Variants in MGAT4C observed in about 807,000 individuals in gnomAD.
MGAT4C encodes alpha-1,3-mannosyl-glycoprotein 4-beta-N-acetylglucosaminyltransferase C.
In MGAT4C, 19 loss-of-function variants were observed where a neutral mutation model predicts 40.1. The ratio of observed to expected loss-of-function variants is 0.47; its 90% CI spans 0.33 to 0.70. The LOEUF (loss-of-function observed/expected upper bound fraction) is 0.70. Ranked by LOEUF, MGAT4C falls within the 30% of genes least tolerant of loss-of-function variation. The probability of loss-of-function intolerance (pLI) is 0.02; values close to 1 mark genes in which losing one functional copy is unlikely to be tolerated. For missense variants in MGAT4C, 491 were observed against 563.2 expected, an observed-to-expected ratio of 0.87 and a Z score of 1.30; for synonymous variants, 181 against 187.1, an observed-to-expected ratio of 0.97 and a Z score of 0.27.
chr12:86,693,921 G>A (rs778290798), intron 2 of MGAT4C, among the ~76,000 whole-genome samples: 2 of 152,084 alleles, frequency 1.3e-5, no homozygotes, highest in Admixed American at 6.6e-5. Context: ...TTGTCTAAAT[G>A]TCTGAGAGCT....
intron 2 of MGAT4C, among the ~76,000 whole-genome samples, chr12:86,690,132 C>T (rs1202826995): frequency 1.3e-5 from 2 of 152,174 alleles, no homozygotes; most frequent in Non-Finnish European, 1.5e-5. Context: ...AAACCGCCTA[C>T]TGAAGCCTCA....
intron 2 of MGAT4C, among the ~76,000 whole-genome samples, chr12:85,993,852 G>A (rs891219747): frequency 2.6e-5 from 4 of 152,162 alleles, no homozygotes; most frequent in African/African-American, 9.7e-5. Flanking sequence ...CACAAATGTG[G>A]TAGGAGGGAC....
chr12:86,162,955 G>T (rs1305150085), intron 1 of MGAT4C, among the ~76,000 whole-genome samples: 4 of 152,098 alleles, frequency 2.6e-5, no homozygotes, highest in Non-Finnish European at 5.9e-5. Flanking sequence ...GATAAAAGTT[G>T]TATAGCTATA....
At chr12:86,565,293 C>T (rs1960043064) in intron 2 of MGAT4C, among the ~76,000 whole-genome samples, 1 of 152,150 alleles carries the variant, frequency 6.6e-6, no homozygotes, top group Admixed American at 6.5e-5. Flanking sequence ...CCCATGGTCC[C>T]CACTCCTACC....
At chr12:86,777,139 T>G (rs1300687700) in intron 1 of MGAT4C, among the ~76,000 whole-genome samples, 1 of 152,210 alleles carries the variant, frequency 6.6e-6, no homozygotes, top group African/African-American at 2.4e-5. Flanking sequence ...CCCATTCTTT[T>G]AAATTTTTTT....
At chr12:86,137,908 T>G (rs1404447188) in intron 1 of MGAT4C, among the ~76,000 whole-genome samples, 1 of 152,178 alleles carries the variant, frequency 6.6e-6, no homozygotes, top group African/African-American at 2.4e-5. Flanking sequence ...CTCATTTGCA[T>G]GGAGTTGGGA....
intron 3 of MGAT4C, among the ~76,000 whole-genome samples, chr12:86,384,407 G>C (rs1956014356): frequency 1.3e-5 from 2 of 152,132 alleles, no homozygotes; most frequent in Admixed American, 1.3e-4. Flanking sequence ...CATCTTTAGG[G>C]ACACTGATTG....
At chr12:86,777,795 T>G (rs1309180882) in intron 1 of MGAT4C, among the ~76,000 whole-genome samples, 1 of 152,160 alleles carries the variant, frequency 6.6e-6, no homozygotes, top group Admixed American at 6.6e-5. Flanking sequence ...ATATTTGGAA[T>G]AGAAGGATTA....
intron 2 of MGAT4C, among the ~76,000 whole-genome samples, chr12:86,007,265 C>T (rs1887980092): frequency 6.6e-6 from 1 of 152,052 alleles, no homozygotes; most frequent in East Asian, 1.9e-4. Flanking sequence ...GAATACTATC[C>T]TGAAATGGGG....
chr12:86,643,495 G>A (rs1963450705), intron 2 of MGAT4C, among the ~76,000 whole-genome samples: 1 of 151,770 alleles, frequency 6.6e-6, no homozygotes, highest in Admixed American at 6.6e-5. Flanking sequence ...ACTCATAGGA[G>A]TAATATTGAT....
intron 2 of MGAT4C, among the ~76,000 whole-genome samples, chr12:86,678,963 T>G (rs1449724401): frequency 9.9e-5 from 15 of 152,066 alleles, no homozygotes. Context: ...GATGGCTGGG[T>G]CAAATGGTAT....
intron 2 of MGAT4C, among the ~76,000 whole-genome samples, chr12:86,667,562 C>T (rs943087958): frequency 2.0e-5 from 3 of 152,172 alleles, no homozygotes; most frequent in Admixed American, 2.0e-4. Context: ...TACTATTAAA[C>T]ATAATGGCAA....
chr12:86,494,233 G>C (rs1252648569), intron 2 of MGAT4C, among the ~76,000 whole-genome samples: 1 of 151,682 alleles, frequency 6.6e-6, no homozygotes, highest in Non-Finnish European at 1.5e-5. Context: ...TTGTAATTTT[G>C]ATGAAGTGAA....
chr12:86,163,811 A>C (rs115179458), intron 1 of MGAT4C, among the ~76,000 whole-genome samples: 1 of 152,178 alleles, frequency 6.6e-6, no homozygotes, highest in Non-Finnish European at 1.5e-5. Context: ...CAATTCCATA[A>C]TTTTCATCTA....
intron 2 of MGAT4C, among the ~76,000 whole-genome samples, chr12:86,554,941 C>T (rs1959537657): frequency 2.6e-5 from 4 of 152,160 alleles, no homozygotes; most frequent in Admixed American, 6.6e-5. Flanking sequence ...CTGGAGGTAA[C>T]CCGAATTCCT....
rs1269229431 is a variant in MGAT4C at position 86,256,299 on chromosome 12, C to T, written c.-117G>A. The T allele has an allele frequency of 6.6e-6, 1 of 152,154 alleles. No homozygotes were observed. Among genetic ancestry groups the T allele is most frequent in the Admixed American group, 6.6e-5 (1 of 15,266 alleles). The allele number at this position is 152,154 out of a possible 1,614,324, so 9.4% of individuals were successfully genotyped here. A position where few individuals can be genotyped will look rare whatever the true frequency, so the allele number is the denominator to read the frequency against. ...AACAGTGCTCTGTGCAGCCTGGAAG[C>T]ATGAGTGATCCTTGGGCCTCACACA... On this transcript the variant is annotated 5_prime_UTR_variant, in exon 1 of 5. It removes an upstream start codon present in the reference 5' UTR. Transcript: ENST00000611864.
chr12:86,609,665 C>T (rs1308140977), intron 2 of MGAT4C, among the ~76,000 whole-genome samples: 1 of 151,674 alleles, frequency 6.6e-6, no homozygotes, highest in Non-Finnish European at 1.5e-5. Flanking sequence ...ACTCTGTTTA[C>T]TTAAAGGAAT....
At chr12:86,035,393 T>C (rs1891130095) in intron 2 of MGAT4C, among the ~76,000 whole-genome samples, 1 of 150,376 alleles carries the variant, frequency 6.6e-6, no homozygotes, top group African/African-American at 2.4e-5. Context: ...GAGAAGTGTC[T>C]GTTCATATCC....
intron 2 of MGAT4C, among the ~76,000 whole-genome samples, chr12:85,994,760 A>C (rs913758636): frequency 2.0e-5 from 3 of 152,180 alleles, no homozygotes; most frequent in African/African-American, 7.2e-5. Flanking sequence ...ATTAGTCCAT[A>C]TTTTTATTGT....
Sources: allele counts gnomAD v4.1 joint callset (sites outside exome capture counted in the v4.1 genomes callset), GRCh38; gene constraint gnomAD v4.1.1; transcripts MANE v1.5; gene names NCBI Gene and HGNC (gene_info 2026-07-23, HGNC 2026-07-21).